The following RAD51B variants were observed in gnomAD, a reference collection of about 807,000 sequenced individuals.
RAD51B encodes the protein DNA repair protein RAD51 homolog 2.
In RAD51B, 38 loss-of-function variants were observed where a neutral mutation model predicts 42.2. The ratio of observed to expected loss-of-function variants is 0.90; its 90% CI spans 0.70 to 1.18. The LOEUF (loss-of-function observed/expected upper bound fraction) is 1.18. Ranked by LOEUF, RAD51B falls within the 50% of genes most tolerant of loss-of-function variation. The pLI is 0.00. For synonymous variants in RAD51B, 154 were observed against 145.2 expected (o/e 1.06, Z -0.43); for missense variants, 373 against 400.7 (o/e 0.93, Z 0.59).
At chr14:67,868,094 A>G (rs1687002865) in intron 5 of RAD51B, among the ~76,000 whole-genome samples, 1 of 152,246 alleles carries the variant, frequency 6.6e-6, no homozygotes, top group Non-Finnish European at 1.5e-5. Flanking sequence ...AAGATGGCCG[A>G]ATAGGAACAG....
At chr14:68,428,675 G>C (rs1014127305) in intron 9 of RAD51B, among the ~76,000 whole-genome samples, 1 of 136,714 alleles carries the variant, frequency 7.3e-6, no homozygotes, top group African/African-American at 2.9e-5. Context: ...TGTCCCCCAG[G>C]TTCATCCATG....
intron 10 of RAD51B, chr14:68,627,355 G>A (rs1892108707): frequency 1.3e-5 from 2 of 152,156 alleles, no homozygotes; most frequent in South Asian, 4.1e-4. Context: ...ATTCAGCTAT[G>A]AAGGAAAAAG....
At chr14:68,432,286 G>A (rs2085029966) in intron 9 of RAD51B, among the ~76,000 whole-genome samples, 1 of 152,164 alleles carries the variant, frequency 6.6e-6, no homozygotes, top group Non-Finnish European at 1.5e-5. Context: ...GCAGAGCTGA[G>A]TTCAATTCCT....
chr14:68,179,384 C>A (rs147397520), intron 7 of RAD51B, among the ~76,000 whole-genome samples: 2 of 151,932 alleles, frequency 1.3e-5, no homozygotes, highest in East Asian at 3.8e-4. Flanking sequence ...TTATTTTTTA[C>A]CTAAAAAGTT....
At chr14:68,162,561 G>A (rs921433450) in intron 7 of RAD51B, among the ~76,000 whole-genome samples, 1 of 152,138 alleles carries the variant, frequency 6.6e-6, no homozygotes, top group East Asian at 1.9e-4. Flanking sequence ...GGAGGCAGGC[G>A]AATCATGAGG....
chr14:68,577,876 A>G (rs1166704444), intron 10 of RAD51B, among the ~76,000 whole-genome samples: 1 of 152,240 alleles, frequency 6.6e-6, no homozygotes, highest in Non-Finnish European at 1.5e-5. Context: ...GAATGGAGTC[A>G]GACATGTCCT....
chr14:68,337,127 C>T (rs1482172679), intron 8 of RAD51B, among the ~76,000 whole-genome samples: 2 of 152,138 alleles, frequency 1.3e-5, no homozygotes, highest in Non-Finnish European at 2.9e-5. Flanking sequence ...CTTTTGGACT[C>T]AATTTCTTCC....
At chr14:68,452,173 G>A (rs2085572568) in intron 9 of RAD51B, among the ~76,000 whole-genome samples, 1 of 152,106 alleles carries the variant, frequency 6.6e-6, no homozygotes, top group Non-Finnish European at 1.5e-5. Flanking sequence ...CAGAGCTCTT[G>A]TGCATCTTGT....
chr14:68,422,727 T>C (rs980080620), intron 9 of RAD51B, among the ~76,000 whole-genome samples: 2 of 152,210 alleles, frequency 1.3e-5, no homozygotes, highest in Non-Finnish European at 2.9e-5. Context: ...ACACATTATC[T>C]GATGGGTGAT....
intron 7 of RAD51B, among the ~76,000 whole-genome samples, chr14:67,901,485 T>G (rs1178834452): frequency 6.6e-6 from 1 of 152,180 alleles, no homozygotes; most frequent in East Asian, 1.9e-4. Flanking sequence ...TCTATCTGCC[T>G]AAACTGCCTC....
chr14:68,503,328 A>G (rs530915127), intron 10 of RAD51B, among the ~76,000 whole-genome samples: 1 of 152,248 alleles, frequency 6.6e-6, no homozygotes, highest in South Asian at 2.1e-4. Flanking sequence ...CACTGGTTTA[A>G]CCGGCTGACA....
downstream of RAD51B, among the ~76,000 whole-genome samples, chr14:68,481,934 C>T (rs1298689982): frequency 6.6e-6 from 1 of 152,156 alleles, no homozygotes; most frequent in Non-Finnish European, 1.5e-5. Context: ...AGTAGAGGTT[C>T]CATCACTGCC....
At chr14:68,112,764 C>T (rs1445465788) in intron 7 of RAD51B, among the ~76,000 whole-genome samples, 2 of 152,082 alleles carry the variant, frequency 1.3e-5, no homozygotes, top group Non-Finnish European at 2.9e-5. Context: ...CAAAGCAATA[C>T]CTGCTAGATG....
At chr14:67,986,716 T>C (rs972572307) in intron 7 of RAD51B, among the ~76,000 whole-genome samples, 1 of 152,142 alleles carries the variant, frequency 6.6e-6, no homozygotes, top group African/African-American at 2.4e-5. Flanking sequence ...ATCCAAAGAT[T>C]TGTTGTGGCT....
At chr14:68,530,860 C>G (rs9323515) in intron 10 of RAD51B, among the ~76,000 whole-genome samples, 32,075 of 151,806 alleles carry the variant, frequency 0.21, 3,707 homozygotes, top group Middle Eastern at 0.36. Context: ...CTTCAACTGA[C>G]TATAAAATAA....
At chr14:68,570,401 A>G (rs887706720) in intron 10 of RAD51B, among the ~76,000 whole-genome samples, 1 of 152,230 alleles carries the variant, frequency 6.6e-6, no homozygotes, top group Non-Finnish European at 1.5e-5. Context: ...CAGCCTTGTC[A>G]CTTTGCATAG....
intron 7 of RAD51B, among the ~76,000 whole-genome samples, chr14:68,179,862 C>T (rs1409311844): frequency 6.6e-6 from 1 of 152,142 alleles, no homozygotes; most frequent in East Asian, 1.9e-4. Flanking sequence ...GTATGCCTTA[C>T]ATCACATGGG....
At chr14:67,893,583 A>C (rs1165265413) in intron 7 of RAD51B, among the ~76,000 whole-genome samples, 1 of 151,640 alleles carries the variant, frequency 6.6e-6, no homozygotes, top group African/African-American at 2.4e-5. Context: ...GGGCGGGAGG[A>C]TGGCTTGAAC....
At chr14:68,209,176 A>C (rs1293407292) in intron 7 of RAD51B, among the ~76,000 whole-genome samples, 1 of 152,172 alleles carries the variant, frequency 6.6e-6, no homozygotes, top group Non-Finnish European at 1.5e-5. Flanking sequence ...TTTTCTTCCA[A>C]TAGAGAACAA....
Sources: allele counts gnomAD v4.1 joint callset (sites outside exome capture counted in the v4.1 genomes callset), GRCh38; gene constraint gnomAD v4.1.1; transcripts MANE v1.5; gene names NCBI Gene and HGNC (gene_info 2026-07-23, HGNC 2026-07-21).